The following AGBL1 variants were observed in gnomAD, a reference collection of about 807,000 sequenced individuals.
The protein encoded by AGBL1 is cytosolic carboxypeptidase 4.
AGBL1 carries 130 observed loss-of-function variants against 118.9 expected under a neutral mutation model. The ratio of observed to expected loss-of-function variants is 1.09; its 90% CI spans 0.95 to 1.26. AGBL1 has a LOEUF of 1.26. Ranked by LOEUF, AGBL1 falls within the 50% of genes most tolerant of loss-of-function variation. The pLI, the probability that AGBL1 is intolerant of heterozygous loss-of-function variation, is 0.00. For missense variants in AGBL1, 1,584 were observed against 1,298.1 expected, an observed-to-expected ratio of 1.22 and a Z score of -3.38; for synonymous variants, 555 against 478.9, an observed-to-expected ratio of 1.16 and a Z score of -2.08.
At chr15:86,282,567 C>T (rs1279971674) in intron 16 of AGBL1, among the ~76,000 whole-genome samples, 1 of 152,136 alleles carries the variant, frequency 6.6e-6, no homozygotes, top group Non-Finnish European at 1.5e-5. Flanking sequence ...TTTTACATTT[C>T]CAATAACTCA....
chr15:86,543,355 T>C (rs7167777), intron 19 of AGBL1, among the ~76,000 whole-genome samples: 2,996 of 152,338 alleles, frequency 0.02, 90 homozygotes, highest in African/African-American at 0.066. Flanking sequence ...ACATATGCTA[T>C]AAACATGCAG....
chr15:86,731,523 A>G (rs1312574101), intron 22 of AGBL1, among the ~76,000 whole-genome samples: 1 of 152,146 alleles, frequency 6.6e-6, no homozygotes, highest in South Asian at 2.1e-4. Context: ...CCAAGCAGCA[A>G]AGTCTCCAGC....
chr15:86,712,537 C>A lies in AGBL1; in HGVS notation c.3158+38101C>A, dbSNP rs148970802. On this transcript the variant is annotated intron_variant, in intron 22 of 22. Transcript: ENST00000614907. ...GTAGAAATAATGCCCAGGCTAAGTA[C>A]AACTTAAATGGTGCTTAATTAGTTA... is the stretch of plus-strand genomic sequence containing the variant. 2.7e-3 allele frequency among the ~76,000 whole-genome samples: 411 copies of A among 152,182 alleles called. 3 individuals carry two copies. The highest frequency in any genetic ancestry group is 3.9e-3 in the Non-Finnish European group (263 of 68,010).
chr15:86,716,151 G>C (rs2086635491), intron 22 of AGBL1, among the ~76,000 whole-genome samples: 1 of 151,922 alleles, frequency 6.6e-6, no homozygotes, highest in Non-Finnish European at 1.5e-5. Context: ...ATATTTTAAA[G>C]TGTGCTAGGG....
At chr15:87,009,997 G>C (rs2081542122) in intron 24 of AGBL1, among the ~76,000 whole-genome samples, 1 of 152,174 alleles carries the variant, frequency 6.6e-6, no homozygotes, top group Non-Finnish European at 1.5e-5. Flanking sequence ...GTGGACTATT[G>C]AGTTAATGCT....
At position 86,755,877 on chromosome 15, in the gene AGBL1, A is replaced by C. The variant is rs566772815; in HGVS notation, c.3158+81441A>C. On this transcript the variant is annotated intron_variant, in intron 22 of 22. Transcript: ENST00000614907. ...GAGGTAGTGTTGGGGAGGAGACTCTACCAGGGCAATCAGTCAGATTGTGCA... is the reference window on the plus strand; with the variant it reads ...GAGGTAGTGTTGGGGAGGAGACTCTCCCAGGGCAATCAGTCAGATTGTGCA... Among the ~76,000 whole-genome samples the C allele has an allele frequency of 1.8e-4, 28 of 152,212 alleles. No individual in the cohort carries two copies. The South Asian group carries it at 4.8e-3, about 26-fold the overall frequency.
chr15:86,707,669 C>CG (rs769646371), intron 22 of AGBL1, among the ~76,000 whole-genome samples: 7 of 152,190 alleles, frequency 4.6e-5, no homozygotes, highest in Non-Finnish European at 1.0e-4. Context: ...CAATAAAAAT[C>CG]CTTTTTTCTG....
At chr15:86,893,345 AT>A (rs2080077558) in intron 22 of AGBL1, among the ~76,000 whole-genome samples, 1 of 152,220 alleles carries the variant, frequency 6.6e-6, no homozygotes, top group Admixed American at 6.5e-5. Context: ...AAAACAAGTG[AT>A]AAAAAGAATC....
At chr15:86,651,707 T>C (rs1053081938) in intron 21 of AGBL1, among the ~76,000 whole-genome samples, 2 of 152,200 alleles carry the variant, frequency 1.3e-5, no homozygotes, top group South Asian at 2.1e-4. Flanking sequence ...CCTCCATAGA[T>C]TGCTAATAAG....
chr15:86,363,053 G>T (rs987220991), intron 17 of AGBL1, among the ~76,000 whole-genome samples: 1 of 152,176 alleles, frequency 6.6e-6, no homozygotes, highest in African/African-American at 2.4e-5. Flanking sequence ...GTCTACAGGG[G>T]AATGGGGCTT....
chr15:87,016,138 A>T (rs1217086495), intron 24 of AGBL1, among the ~76,000 whole-genome samples: 2 of 152,238 alleles, frequency 1.3e-5, no homozygotes, highest in Non-Finnish European at 2.9e-5. Context: ...TCATCATGAC[A>T]GTCCCCTCCA....
intron 22 of AGBL1, among the ~76,000 whole-genome samples, chr15:86,865,739 C>T (rs958405829): frequency 7.2e-5 from 11 of 152,144 alleles, no homozygotes; most frequent in Non-Finnish European, 8.8e-5. Flanking sequence ...TGTCAACCTG[C>T]GCCTTCATTT....
intron 19 of AGBL1, among the ~76,000 whole-genome samples, chr15:86,536,100 T>A (rs1164930886): frequency 6.6e-6 from 1 of 152,202 alleles, no homozygotes; most frequent in African/African-American, 2.4e-5. Flanking sequence ...GTTCCCATGC[T>A]ATCAGAATGA....
chr15:86,931,477 A>T (rs1025268728), intron 23 of AGBL1, among the ~76,000 whole-genome samples: 2 of 152,126 alleles, frequency 1.3e-5, no homozygotes, highest in African/African-American at 4.8e-5. Context: ...AGTGGACCCC[A>T]GTTCAGTTTG....
rs575212905 is a variant in AGBL1 at position 86,747,710 on chromosome 15, G to A, written c.3158+73274G>A. ...GTTCTCTTTGTTCAGTTCCCACCTA[G>A]GAGTGAGAACATGTGGTGTTTGGTT... is the stretch of plus-strand genomic sequence containing the variant. On this transcript the variant is annotated intron_variant, in intron 22 of 22. Transcript: ENST00000614907. Among the ~76,000 whole-genome samples, 7 of 152,100 alleles carry A rather than the reference G, an allele frequency of 4.6e-5. No homozygotes were observed. The East Asian group carries it at 1.4e-3, about 29-fold the overall frequency.
rs144901580 is a variant in AGBL1, at chr15:86,998,645, G to T, written c.3323+10557G>T. On this transcript the variant is annotated intron_variant, in intron 24 of 24. Coordinates refer to the AGBL1 transcript ENST00000441037. ...ATATGGCAATAAAGGCCACATTTGT[G>T]GAATGCATGCTCAGTACTCAACAAG... 2.6e-3 allele frequency among the ~76,000 whole-genome samples: 391 copies of T among 152,208 alleles called. 2 individuals are homozygous for T. The highest frequency in any genetic ancestry group is 2.5e-3 in the Non-Finnish European group (168 of 68,002).
chr15:86,900,856 A>G (rs1223072137), intron 22 of AGBL1, among the ~76,000 whole-genome samples: 1 of 152,170 alleles, frequency 6.6e-6, no homozygotes, highest in African/African-American at 2.4e-5. Flanking sequence ...AGCACTTGCA[A>G]AGCTATCAGT....
rs776121691 is a variant in AGBL1, at chr15:86,364,956, C to CATAT, written c.2375-32409_2375-32408insTATA. On this transcript the variant is annotated intron_variant, in intron 17 of 22. Transcript: ENST00000614907. ...AGGAGCCGCATTGATTTATATGTCACACATATATATATATATATATATATA... is the reference window on the plus strand; with the variant it reads ...AGGAGCCGCATTGATTTATATGTCACATATACATATATATATATATATATATATA... Among the ~76,000 whole-genome samples, 32 of 89,580 alleles carry CATAT rather than the reference C, an allele frequency of 3.6e-4. 3 individuals are homozygous for CATAT. The highest frequency in any genetic ancestry group is 1.7e-3 in the African/African-American group (25 of 15,140). 58.8% of individuals were successfully genotyped at this position (89,580 alleles called of 152,430 possible). A position where few individuals can be genotyped will look rare whatever the true frequency, so the allele number is the denominator to read the frequency against.
At chr15:86,404,307 A>C (rs2081491267) in intron 18 of AGBL1, among the ~76,000 whole-genome samples, 1 of 152,124 alleles carries the variant, frequency 6.6e-6, no homozygotes, top group Non-Finnish European at 1.5e-5. Context: ...TCTCTACTAG[A>C]GAATGCTGTG....
Sources: allele counts gnomAD v4.1 joint callset (sites outside exome capture counted in the v4.1 genomes callset), GRCh38; gene constraint gnomAD v4.1.1; transcripts MANE v1.5; gene names NCBI Gene and HGNC (gene_info 2026-07-23, HGNC 2026-07-21).